HECW2: variants seen among roughly 807,000 people sequenced by gnomAD.
The protein encoded by HECW2 is E3 ubiquitin-protein ligase HECW2.
HECW2 carries 61 observed loss-of-function variants against 175.2 expected under a neutral mutation model. The ratio of observed to expected loss-of-function variants is 0.35; its 90% CI spans 0.28 to 0.43. The LOEUF (loss-of-function observed/expected upper bound fraction) is 0.43, where lower values mean the gene tolerates loss of function less well. Among genes scored for constraint, HECW2 ranks in the 20% least tolerant of loss-of-function variants. The probability of loss-of-function intolerance (pLI) is 1.00; values close to 1 mark genes in which losing one functional copy is unlikely to be tolerated. For synonymous variants in HECW2, 671 were observed against 731.0 expected, an observed-to-expected ratio of 0.92 and a Z score of 1.32; for missense variants, 1,524 against 2,000.5, an observed-to-expected ratio of 0.76 and a Z score of 4.54.
chr2:196,427,250 T>G (rs1195343708), intron 2 of HECW2, among the ~76,000 whole-genome samples: 1 of 152,218 alleles, frequency 6.6e-6, no homozygotes, highest in Non-Finnish European at 1.5e-5. Context: ...TGCAGACCAG[T>G]ACTTTGAATA....
chr2:196,319,641 T>G lies in HECW2; in HGVS notation c.1249A>C (p.Asn417His), dbSNP rs763119795. 2 of 1,614,136 alleles carry G rather than the reference T, an allele frequency of 1.2e-6. No individual in the cohort carries two copies. The highest frequency in any genetic ancestry group is 2.2e-5 in the South Asian group (2 of 91,088). Residue 417 changes from asparagine to histidine, a missense_variant, in exon 9 of 29, where the codon AAT becomes CAT. Physicochemically the swap from Asn to His is moderately conservative, Grantham distance 68 (BLOSUM62 1). Around this residue, in one of 11 missense-constraint regions of HECW2, gnomAD observed 604 missense variants for 588.3 expected, o/e 1.03. Coordinates refer to ENST00000644978, the MANE Select transcript of HECW2 (RefSeq NM_001348768.2). ...TGTTCGATAGCATCTAAGTAATCAT[T>G]GAGTGAATCCTGACGTCCTCTGGGA... ...SPPRGRQDSL[N>H]DYLDAIEHNG...
intron 18 of HECW2, among the ~76,000 whole-genome samples, 181 bp from the exon 19 acceptor site, chr2:196,254,210 C>T (rs1409527117): frequency 1.3e-5 from 2 of 152,128 alleles, no homozygotes; most frequent in Non-Finnish European, 2.9e-5. Flanking sequence ...TTTTTGTGAA[C>T]CCTGTGGCTA....
intron 19 of HECW2, among the ~76,000 whole-genome samples, chr2:196,250,184 G>T (rs1688803585): frequency 6.6e-6 from 1 of 152,180 alleles, no homozygotes; most frequent in Non-Finnish European, 1.5e-5. Context: ...CAATCCACAT[G>T]GCTTCATGTC....
At chr2:196,309,887 A>T (rs918152900) in intron 10 of HECW2, among the ~76,000 whole-genome samples, 1 of 152,234 alleles carries the variant, frequency 6.6e-6, no homozygotes, top group Non-Finnish European at 1.5e-5. Flanking sequence ...TATGGCAGAA[A>T]AGAAAACATA....
intron 1 of HECW2, among the ~76,000 whole-genome samples, chr2:196,448,568 G>A (rs780566329): frequency 2.0e-5 from 3 of 152,190 alleles, no homozygotes; most frequent in Non-Finnish European, 4.4e-5. Context: ...CCATAAACAG[G>A]AGCCAAGCAG....
Position 196,344,260 on chromosome 2 carries a change from A to G in HECW2, c.293-496T>C, listed in dbSNP as rs564593797. On this transcript the variant is annotated intron_variant, in intron 2 of 28. Transcript: ENST00000644978. ...TGTTTAGGGAACACAAACCAAGTTC[A>G]TCACATCTGTCAGGACAGTCCTTTG... Among the ~76,000 whole-genome samples the G allele has an allele frequency of 6.1e-5, 9 of 147,228 alleles. No homozygotes were observed. The South Asian group carries it at 2.0e-3, about 32-fold the overall frequency.
intron 17 of HECW2, among the ~76,000 whole-genome samples, chr2:196,268,423 T>G (rs1423771656): frequency 6.6e-6 from 1 of 152,142 alleles, no homozygotes; most frequent in African/African-American, 2.4e-5. Context: ...AAAAAAATCT[T>G]CAACATCTTT....
intron 2 of HECW2, among the ~76,000 whole-genome samples, chr2:196,425,714 G>C (rs1575528425): frequency 6.6e-6 from 1 of 152,130 alleles, no homozygotes; most frequent in Admixed American, 6.6e-5. Context: ...CTTCTTATGG[G>C]TGAGTAAAGA....
At chr2:196,327,050 G>A (rs1336220691) in intron 5 of HECW2, among the ~76,000 whole-genome samples, 1 of 152,150 alleles carries the variant, frequency 6.6e-6, no homozygotes, top group African/African-American at 2.4e-5. Context: ...CCAGACAGAA[G>A]AATGATATTC....
At chr2:196,472,037 T>G (rs921470879) in intron 1 of HECW2, among the ~76,000 whole-genome samples, 1 of 149,540 alleles carries the variant, frequency 6.7e-6, no homozygotes, top group Non-Finnish European at 1.5e-5. Flanking sequence ...GACGAATGGA[T>G]ATACTGTGGC....
intron 1 of HECW2, among the ~76,000 whole-genome samples, chr2:196,508,993 G>A (rs1034666603): frequency 6.6e-6 from 1 of 152,158 alleles, no homozygotes; most frequent in Non-Finnish European, 1.5e-5. Context: ...GCATGAACCA[G>A]GGAAGCAGAG....
chr2:196,505,424 C>T (rs932245749), intron 1 of HECW2, among the ~76,000 whole-genome samples: 1 of 152,056 alleles, frequency 6.6e-6, no homozygotes, highest in African/African-American at 2.4e-5. Context: ...CCTGTAATCC[C>T]AGCTACTCAG....
At chr2:196,432,887 C>T (rs1446124952) in intron 2 of HECW2, among the ~76,000 whole-genome samples, 3 of 152,142 alleles carry the variant, frequency 2.0e-5, no homozygotes, top group Non-Finnish European at 4.4e-5. Flanking sequence ...AATACTGTAA[C>T]ACCTGCAGGT....
intron 2 of HECW2, among the ~76,000 whole-genome samples, chr2:196,415,955 TTACTACATAGTAGGGATAGAG>T (rs1172918934): frequency 6.6e-6 from 1 of 152,190 alleles, no homozygotes; most frequent in East Asian, 1.9e-4. Context: ...GTGCATGGTT[TTACTACATAGTAGGGATAGAG>T]GGGTTCTAGT....
intron 18 of HECW2, among the ~76,000 whole-genome samples, chr2:196,255,901 C>A (rs985174271): frequency 7.9e-5 from 12 of 152,046 alleles, no homozygotes; most frequent in African/African-American, 2.9e-4. Context: ...GGTGAAACCC[C>A]GTCTCTATTA....
rs759900785 is a variant in HECW2, at chr2:196,319,905, C to G, written c.986-1G>C. On this transcript the variant is annotated splice_acceptor_variant, in intron 8 of 28. Transcript: ENST00000644978. LOFTEE classifies it high-confidence loss of function. ...GTGCCAACAGCTTCTGGAGAGGCAT[C>G]TGAATGAGAAAACAGCATTTCTAAA... 1 of 1,579,400 alleles carries G rather than the reference C, an allele frequency of 6.3e-7. No individual in the cohort carries two copies.
chr2:196,515,165 C>G (rs371543184), intron 1 of HECW2, among the ~76,000 whole-genome samples: 2 of 152,230 alleles, frequency 1.3e-5, no homozygotes, highest in African/African-American at 4.8e-5. Context: ...CGCACAGAGC[C>G]GGCACCTGTG....
chr2:196,506,754 AAAC>A (rs1480553827), intron 1 of HECW2, among the ~76,000 whole-genome samples: 3 of 152,114 alleles, frequency 2.0e-5, no homozygotes, highest in Admixed American at 1.3e-4. Flanking sequence ...AAATTAATTA[AAAC>A]AACTGCATAA....
chr2:196,543,151 T>C (rs560280379), intron 1 of HECW2, among the ~76,000 whole-genome samples: 6 of 151,304 alleles, frequency 4.0e-5, no homozygotes, highest in Non-Finnish European at 7.4e-5. Context: ...CCAGATTCTA[T>C]GTAGTAATCA....
Sources: allele counts gnomAD v4.1 joint callset (sites outside exome capture counted in the v4.1 genomes callset), GRCh38; gene constraint gnomAD v4.1.1; regional missense constraint gnomAD v4.1.1; transcripts MANE v1.5; gene names NCBI Gene and HGNC (gene_info 2026-07-23, HGNC 2026-07-21).